MICU1: variants seen among roughly 807,000 people sequenced by gnomAD.
MICU1 encodes the protein mitochondrial calcium uptake 1.
Under a neutral mutation model 56.8 loss-of-function variants are expected in MICU1, and 45 were observed. The ratio of observed to expected loss-of-function variants is 0.79; its 90% CI spans 0.62 to 1.02. MICU1 has a LOEUF of 1.02. Among genes scored for constraint, MICU1 ranks in the 50% least tolerant of loss-of-function variants. MICU1 has a pLI of 0.00. For synonymous variants in MICU1, 186 were observed against 195.1 expected (o/e 0.95, Z 0.39); for missense variants, 504 against 587.1 (o/e 0.86, Z 1.46).
chr10:72,379,462 A>G (rs1589152758), intron 10 of MICU1: 1 of 323,450 alleles, frequency 3.1e-6, no homozygotes, highest in East Asian at 9.7e-5. Context: ...TTTCACATCA[A>G]CCTTAAGCTT....
chr10:72,402,150 GA>G (rs11296493), intron 10 of MICU1, among the ~76,000 whole-genome samples: 76,269 of 145,452 alleles, frequency 0.52, 20,960 homozygotes, highest in Non-Finnish European at 0.65. Flanking sequence ...AGATTTCTGA[GA>G]AAAAAAAAAA....
intron 6 of MICU1, among the ~76,000 whole-genome samples, chr10:72,506,398 A>G (rs1867253272): frequency 6.6e-6 from 1 of 152,198 alleles, no homozygotes. Flanking sequence ...ACAAGTATAC[A>G]TTTTATACCA....
chr10:72,564,544 G>GAAAAAAAAAAAAA (rs11465166), intron 2 of MICU1, among the ~76,000 whole-genome samples: 110 of 106,340 alleles, frequency 1.0e-3, no homozygotes, highest in Non-Finnish European at 1.3e-3. Context: ...ATCTCAAAAA[G>GAAAAAAAAAAAAA]AAAAAAAAAA....
chr10:72,540,717 C>G (rs1248644789), intron 4 of MICU1, among the ~76,000 whole-genome samples: 1 of 152,186 alleles, frequency 6.6e-6, no homozygotes, highest in East Asian at 1.9e-4. Flanking sequence ...GATTAGATTA[C>G]TGATCTCAAA....
At chr10:72,589,435 A>T (rs1415251670) in intron 1 of MICU1, among the ~76,000 whole-genome samples, 1 of 152,192 alleles carries the variant, frequency 6.6e-6, no homozygotes, top group African/African-American at 2.4e-5. Flanking sequence ...AGACAAGGTA[A>T]CTCAACATCA....
intron 1 of MICU1, among the ~76,000 whole-genome samples, chr10:72,607,981 T>A (rs750331201): frequency 2.0e-5 from 3 of 152,146 alleles, no homozygotes; most frequent in Non-Finnish European, 4.4e-5. Flanking sequence ...AAGTGCTGAG[T>A]GACTGCGTGT....
Position 72,493,461 on chromosome 10 carries a change from T to G in MICU1, c.652+14694A>C, listed in dbSNP as rs1172816880. Among the ~76,000 whole-genome samples, 5 of 152,204 alleles carry G rather than the reference T, an allele frequency of 3.3e-5. No homozygotes were observed. In the South Asian group the frequency reaches 1.0e-3, roughly 32 times the overall value. On this transcript the variant is annotated intron_variant, in intron 6 of 11. Coordinates refer to ENST00000361114, the MANE Select transcript of MICU1 (RefSeq NM_001195518.2). Reference sequence around the variant, plus strand: ...TTTTTAATTATTTTACTTTATTTTATTATTTTATTGAAACAGGGTATCACT... The same window carrying G: ...TTTTTAATTATTTTACTTTATTTTAGTATTTTATTGAAACAGGGTATCACT...
At chr10:72,510,711 T>C (rs1326689653) in intron 5 of MICU1, among the ~76,000 whole-genome samples, 5 of 152,082 alleles carry the variant, frequency 3.3e-5, no homozygotes, top group Non-Finnish European at 7.4e-5. Context: ...TGGCGTGATC[T>C]CAGCTCACTG....
intron 11 of MICU1, among the ~76,000 whole-genome samples, chr10:72,369,266 C>T (rs1320534890): frequency 1.3e-5 from 2 of 149,756 alleles, no homozygotes; most frequent in Non-Finnish European, 3.0e-5. Flanking sequence ...GACCACTGCA[C>T]TCCAGCCTGG....
At chr10:72,619,501 C>T (rs1310816659) in intron 1 of MICU1, among the ~76,000 whole-genome samples, 1 of 152,084 alleles carries the variant, frequency 6.6e-6, no homozygotes, top group Non-Finnish European at 1.5e-5. Context: ...CATTTATTCA[C>T]CAAACATGCT....
At chr10:72,622,165 T>C (rs950112548) in intron 1 of MICU1, among the ~76,000 whole-genome samples, 3 of 151,616 alleles carry the variant, frequency 2.0e-5, no homozygotes, top group African/African-American at 7.3e-5. Flanking sequence ...CCTCGTGATC[T>C]GCCGGCCTCA....
At chr10:72,421,002 C>CAA (rs34221911) in intron 9 of MICU1, among the ~76,000 whole-genome samples, 10,260 of 108,302 alleles carry the variant, frequency 0.095, 603 homozygotes, top group Middle Eastern at 0.14. Flanking sequence ...AACTCCGTCT[C>CAA]AAAAAAAAAA....
Position 72,474,258 on chromosome 10 carries a change from C to CAAAA in MICU1, c.933+838_933+841dup, listed in dbSNP as rs55978543. 3.4e-3 allele frequency among the ~76,000 whole-genome samples: 204 copies of CAAAA among 60,692 alleles called. 1 individual carries two copies. Among genetic ancestry groups the CAAAA allele is most frequent in the East Asian group, 4.2e-3 (7 of 1,648 alleles). The allele number at this position is 60,692 out of a possible 152,430, so 39.8% of individuals were successfully genotyped here. ...CCTGGCTGATGGAGTAGGACTGTCT[C>CAAAA]AAAAAAAAAAAAAAAAAAAAAAAAA... On this transcript the variant is annotated intron_variant, in intron 8 of 11. Coordinates refer to ENST00000361114, the MANE Select transcript of MICU1 (RefSeq NM_001195518.2).
intron 1 of MICU1, among the ~76,000 whole-genome samples, chr10:72,615,583 G>A (rs572003504): frequency 5.3e-5 from 8 of 152,032 alleles, no homozygotes; most frequent in Non-Finnish European, 1.0e-4. Flanking sequence ...TTTCTCTGAT[G>A]TCTAATCTGC....
intron 3 of MICU1, among the ~76,000 whole-genome samples, chr10:72,557,037 G>A (rs546973047): frequency 6.6e-6 from 1 of 152,070 alleles, no homozygotes; most frequent in East Asian, 1.9e-4. Flanking sequence ...CTGCACTCTA[G>A]CCTGGGTGAC....
Position 72,475,298 on chromosome 10 carries a change from C to A in MICU1, c.736-1G>T, listed in dbSNP as rs1866082267. 2 of 1,590,754 alleles carry A rather than the reference C, an allele frequency of 1.3e-6. No homozygotes were observed. The highest frequency in any genetic ancestry group is 1.3e-5 in the African/African-American group (1 of 74,406). On this transcript the variant is annotated splice_acceptor_variant, in intron 7 of 11. Transcript: ENST00000361114. LOFTEE classifies it high-confidence loss of function. Reference sequence around the variant, plus strand: ...TTTGGGAGCGAATGATGCTCTGAACCTAATACAGAATCAAACCCACATCCA... The same window carrying A: ...TTTGGGAGCGAATGATGCTCTGAACATAATACAGAATCAAACCCACATCCA...
rs987157558 is a variant in MICU1 at position 72,444,728 on chromosome 10, C to T, written c.934-21357G>A. 9.2e-5 allele frequency among the ~76,000 whole-genome samples: 14 copies of T among 152,306 alleles called. No homozygotes were observed. The South Asian group carries it at 1.0e-3, about 11-fold the overall frequency. The stretch of plus-strand genomic sequence containing the variant: ...CCTCCCAAAGTGTTGGGATTACAGG[C>T]GTGAGCCACCATGCCCAGCAGCCTT... On this transcript the variant is annotated intron_variant, in intron 8 of 11. Transcript: ENST00000361114.
At chr10:72,446,814 A>C (rs898230778) in intron 8 of MICU1, among the ~76,000 whole-genome samples, 1 of 152,214 alleles carries the variant, frequency 6.6e-6, no homozygotes, top group Non-Finnish European at 1.5e-5. Flanking sequence ...AGAGCTCAGT[A>C]AATGTTGGCT....
chr10:72,392,988 A>G (rs1258647147), intron 10 of MICU1, among the ~76,000 whole-genome samples: 1 of 152,228 alleles, frequency 6.6e-6, no homozygotes, highest in African/African-American at 2.4e-5. Context: ...TACTACTATC[A>G]TCACCTCTTT....
Sources: gnomAD v4.1 joint callset for allele counts (sites outside exome capture counted in the v4.1 genomes callset) on GRCh38, gnomAD v4.1.1 for gene constraint, MANE v1.5 for transcripts, NCBI Gene and HGNC (gene_info 2026-07-23, HGNC 2026-07-21) for gene names.